ARSB: variants seen among roughly 807,000 people sequenced by gnomAD.
The protein encoded by ARSB is N-acetylgalactosamine-4-sulfatase.
A neutral mutation model predicts 50.9 loss-of-function variants in ARSB; 41 were observed. That is an observed-to-expected ratio of 0.81 (90% CI 0.63 to 1.04). ARSB has a LOEUF of 1.04. Among genes scored for constraint, ARSB ranks in the 50% least tolerant of loss-of-function variants. ARSB has a pLI of 0.00. For synonymous variants in ARSB, 269 were observed against 284.8 expected (o/e 0.94, Z 0.56); for missense variants, 672 against 693.3 (o/e 0.97, Z 0.35).
chr5:78,937,120 A>G (rs368610753), intron 4 of ARSB, among the ~76,000 whole-genome samples: 2 of 152,026 alleles, frequency 1.3e-5, no homozygotes, highest in East Asian at 3.9e-4. Context: ...AGAGGAGCAT[A>G]AAATATAAGA....
intron 1 of ARSB, among the ~76,000 whole-genome samples, chr5:78,972,292 C>T (rs910012633): frequency 1.3e-5 from 2 of 152,172 alleles, no homozygotes; most frequent in Non-Finnish European, 1.5e-5. Flanking sequence ...CCCTTCCTTT[C>T]TTCTCTTCTG....
intron 1 of ARSB, among the ~76,000 whole-genome samples, chr5:78,978,755 CTT>C (rs1002641163): frequency 6.6e-6 from 1 of 152,176 alleles, no homozygotes; most frequent in Non-Finnish European, 1.5e-5. Flanking sequence ...AAAGAACACT[CTT>C]TTCAACAAAT....
chr5:78,827,368 C>CCGGCT (rs1744481771), intron 6 of ARSB, among the ~76,000 whole-genome samples: 1 of 152,074 alleles, frequency 6.6e-6, no homozygotes, highest in Non-Finnish European at 1.5e-5. Flanking sequence ...GCCACCATGC[C>CCGGCT]CGGCTACTTT....
intron 4 of ARSB, among the ~76,000 whole-genome samples, chr5:78,910,440 C>T (rs1022792752): frequency 3.3e-5 from 5 of 152,218 alleles, no homozygotes; most frequent in Admixed American, 2.6e-4. Context: ...TTGTATTAGT[C>T]ACTGCCCCAT....
At chr5:78,969,275 G>A (rs1752345941) in intron 1 of ARSB, 83 bp from the exon 2 acceptor site, 9 of 1,405,188 alleles carry the variant, frequency 6.4e-6, no homozygotes, top group Non-Finnish European at 8.0e-6. Context: ...CTACCTTACT[G>A]ATCATATCTG....
chr5:78,848,820 G>C (rs181387730), intron 5 of ARSB, among the ~76,000 whole-genome samples: 1 of 152,332 alleles, frequency 6.6e-6, no homozygotes, highest in East Asian at 1.9e-4. Context: ...CTGATGGCCA[G>C]TAATGATGAG....
intron 5 of ARSB, chr5:78,884,373 A>G (rs915230140): frequency 6.6e-6 from 1 of 152,084 alleles, no homozygotes; most frequent in Non-Finnish European, 1.5e-5. Context: ...ATACATACAC[A>G]CACACACACA....
In ARSB at chr5:78,937,442, T is replaced by C. The variant is rs1015194652; in HGVS notation, c.898+17853A>G. Among the ~76,000 whole-genome samples, 9 of 145,086 alleles carry C rather than the reference T, an allele frequency of 6.2e-5. No individual in the cohort carries two copies. The Admixed American group carries it at 6.3e-4, about 10-fold the overall frequency. Reference sequence around the variant, plus strand: ...ATATATATATCATATATATGATATATATATCTTATATATATAATGAATATA... The same window carrying C: ...ATATATATATCATATATATGATATACATATCTTATATATATAATGAATATA... On this transcript the variant is annotated intron_variant, in intron 4 of 7. Transcript: ENST00000264914.
At chr5:78,902,775 G>A (rs1009218040) in intron 4 of ARSB, among the ~76,000 whole-genome samples, 1 of 152,162 alleles carries the variant, frequency 6.6e-6, no homozygotes, top group African/African-American at 2.4e-5. Flanking sequence ...AGGGAGTTGG[G>A]AGTAACTGCT....
chr5:78,836,874 C>T (rs1331475302), intron 6 of ARSB, among the ~76,000 whole-genome samples: 2 of 152,132 alleles, frequency 1.3e-5, no homozygotes, highest in Non-Finnish European at 2.9e-5. Context: ...AACTTACAAT[C>T]ATGACAGAAG....
rs999657913 is a variant in ARSB, at chr5:78,969,252, A to G, written c.313-60T>C. 7.0e-5 allele frequency: 110 copies of G among 1,577,526 alleles called. 1 individual carries two copies. The African/African-American group carries it at 1.4e-3, about 20-fold the overall frequency. ...ACATTGAAATATTGTGAACAAGCAG[A>G]TAAAATGGCCTTCTACCTTACTGAT... On this transcript the variant is annotated intron_variant, in intron 1 of 7. Coordinates refer to ENST00000264914, the MANE Select transcript of ARSB (RefSeq NM_000046.5).
chr5:78,780,737 G>A, intron 7 of ARSB, 75 bp from the exon 8 acceptor site: 1 of 1,563,196 alleles, frequency 6.4e-7, no homozygotes. Flanking sequence ...AGGAGTCTGA[G>A]GCCAAGGCTG....
At chr5:78,782,229 T>C (rs147288610) in intron 6 of ARSB, among the ~76,000 whole-genome samples, 54 of 152,354 alleles carry the variant, frequency 3.5e-4, no homozygotes, top group African/African-American at 1.3e-3. Context: ...AAAATCGCTA[T>C]GTTCTGCCAA....
intron 6 of ARSB, among the ~76,000 whole-genome samples, chr5:78,834,184 A>T (rs1041176677): frequency 7.9e-5 from 12 of 152,156 alleles, no homozygotes; most frequent in Admixed American, 2.0e-4. Flanking sequence ...TAGAGACCCT[A>T]TTCTCATGCA....
chr5:78,859,836 G>C (rs1024811021), intron 5 of ARSB, among the ~76,000 whole-genome samples: 1 of 152,006 alleles, frequency 6.6e-6, no homozygotes, highest in African/African-American at 2.4e-5. Context: ...GCAAGCAGCA[G>C]ACTAACATGG....
intron 4 of ARSB, among the ~76,000 whole-genome samples, chr5:78,946,608 C>T (rs1317588547): frequency 6.6e-6 from 1 of 152,038 alleles, no homozygotes; most frequent in Non-Finnish European, 1.5e-5. Flanking sequence ...AACTATAAAA[C>T]ATTGATGAAG....
In ARSB at chr5:78,834,882, C is replaced by G. The variant is rs1015379939; in HGVS notation, c.1213+4474G>C. On this transcript the variant is annotated intron_variant, in intron 6 of 7. Transcript: ENST00000264914. ...ACAATGTTATTGTCCATAGAGGCTA[C>G]ATTATTTTACTTTCCCATTAACAGT... is the stretch of plus-strand genomic sequence containing the variant. Among the ~76,000 whole-genome samples the G allele has an allele frequency of 2.0e-5, 3 of 151,924 alleles. No homozygotes were observed. In the South Asian group the frequency reaches 6.3e-4, roughly 32 times the overall value.
chr5:78,830,489 A>G (rs957501078), intron 6 of ARSB, among the ~76,000 whole-genome samples: 2 of 152,156 alleles, frequency 1.3e-5, no homozygotes, highest in African/African-American at 4.8e-5. Context: ...AGCCTAGGCC[A>G]GTGGTGAGAG....
chr5:78,887,098 T>C (rs1159842806), intron 4 of ARSB, among the ~76,000 whole-genome samples: 1 of 152,216 alleles, frequency 6.6e-6, no homozygotes, highest in Non-Finnish European at 1.5e-5. Flanking sequence ...CTAATTGATT[T>C]AGTCCATTTT....
Sources: allele counts gnomAD v4.1 joint callset (sites outside exome capture counted in the v4.1 genomes callset), GRCh38; gene constraint gnomAD v4.1.1; transcripts MANE v1.5; gene names NCBI Gene and HGNC (gene_info 2026-07-23, HGNC 2026-07-21).